Variants in ZNF330 observed in about 807,000 individuals in gnomAD.
The protein encoded by ZNF330 is nucleolar atypical zinc finger.
A neutral mutation model predicts 45.5 loss-of-function variants in ZNF330; 31 were observed. The observed-to-expected ratio is 0.68, with a 90% confidence interval of 0.51 to 0.92. The LOEUF (loss-of-function observed/expected upper bound fraction) is 0.92, where lower values mean the gene tolerates loss of function less well. Ranked by LOEUF, ZNF330 falls within the 40% of genes least tolerant of loss-of-function variation. The probability of loss-of-function intolerance (pLI) is 0.00; values close to 1 mark genes in which losing one functional copy is unlikely to be tolerated. For missense variants in ZNF330, 356 were observed against 387.4 expected, an observed-to-expected ratio of 0.92 and a Z score of 0.68; for synonymous variants, 138 against 123.2, an observed-to-expected ratio of 1.12 and a Z score of -0.79.
upstream of ZNF330, chr4:141,220,786 G>T (rs190653931): frequency 5.9e-5 from 9 of 152,356 alleles, no homozygotes; most frequent in Admixed American, 5.2e-4. Context: ...CTTTTCTGCA[G>T]ATCCTCTGCT....
chr4:141,233,084 ATTATT>A (rs1483524395), intron 9 of ZNF330, among the ~76,000 whole-genome samples: 2 of 152,116 alleles, frequency 1.3e-5, no homozygotes, highest in African/African-American at 4.8e-5. Flanking sequence ...ACTATAGGAA[ATTATT>A]TTATGGTTTT....
At chr4:141,227,627 G>T (rs1373074423) in intron 5 of ZNF330, among the ~76,000 whole-genome samples, 17 of 152,110 alleles carry the variant, frequency 1.1e-4, no homozygotes, top group Admixed American at 1.1e-3. Flanking sequence ...ATAGCAGCAT[G>T]ATTTATAATC....
In ZNF330 at chr4:141,232,645, A is replaced by G; in HGVS notation, c.688+3A>G. The G allele has an allele frequency of 6.7e-7, 1 of 1,500,326 alleles. No individual in the cohort carries two copies. Among genetic ancestry groups the G allele is most frequent in the South Asian group, 1.3e-5 (1 of 74,442 alleles). The allele number at this position is 1,500,326 out of a possible 1,614,324, so 92.9% of individuals were successfully genotyped here. Reference sequence around the variant, plus strand: ...GACTAAGGACCTTAGCATGTCAAGTAAGGCCCTTAAGATACTAAGGAAGTG... The same window carrying G: ...GACTAAGGACCTTAGCATGTCAAGTGAGGCCCTTAAGATACTAAGGAAGTG... On this transcript the variant is annotated splice_donor_region_variant and intron_variant, in intron 9 of 9. Coordinates refer to ENST00000262990, the MANE Select transcript of ZNF330 (RefSeq NM_014487.6).
At chr4:141,230,131 A>C in intron 6 of ZNF330, 35 bp from the exon 7 acceptor site, 1 of 1,442,386 alleles carries the variant, frequency 6.9e-7, no homozygotes. Context: ...ATTAAAGTTT[A>C]TCTTAATTAC....
At position 141,232,577 on chromosome 4, in the gene ZNF330, G is replaced by A; in HGVS notation, c.623G>A (p.Gly208Glu). The change falls in exon 9 of 10, where the codon GGA (glycine) becomes GAA (glutamate). Residue 208 changes from glycine to glutamate, a missense_variant. By Grantham distance (98) the Gly-to-Glu change is moderately conservative (BLOSUM62 -2). Coordinates refer to ENST00000262990, the MANE Select transcript of ZNF330 (RefSeq NM_014487.6). ...AGCAAAGTGTTTAAGCAAGAAAAAG[G>A]AAAACAGCCTCCTTGTCCTAAATGT... Reference protein sequence around the residue: ...TRSKVFKQEKGKQPPCPKCGH... With the variant: ...TRSKVFKQEKEKQPPCPKCGH... 1 of 1,600,820 alleles carries A rather than the reference G, an allele frequency of 6.2e-7. No homozygotes were observed. The highest frequency in any genetic ancestry group is 8.5e-7 in the Non-Finnish European group (1 of 1,173,538).
Position 141,233,901 on chromosome 4 carries a change from A to T in ZNF330, c.875A>T (p.Asp292Val), listed in dbSNP as rs1488216138. The stretch of plus-strand genomic sequence containing the variant: ...GAAGATGAAGGCAGAAAGGATTCAG[A>T]TACTGAGTCATCAGATTTGTTTACT... The part of the protein sequence containing the change: ...EEEDEGRKDS[D>V]TESSDLFTNL... The change falls in exon 10 of 10, where the codon GAT becomes GTT. Residue 292 changes from aspartate (D) to valine (V), a missense_variant. Asp to Val is a radical substitution (Grantham distance 152). Transcript: ENST00000262990. The T allele has an allele frequency of 1.2e-6, 2 of 1,613,828 alleles. No individual in the cohort carries two copies. Among genetic ancestry groups the T allele is most frequent in the South Asian group, 1.1e-5 (1 of 91,076 alleles).
rs1728914240 is a variant in ZNF330 at position 141,230,151 on chromosome 4, T to C, written c.419-15T>C. The C allele has an allele frequency of 6.4e-7, 1 of 1,555,198 alleles. No individual in the cohort carries two copies. The highest frequency in any genetic ancestry group is 8.8e-7 in the Non-Finnish European group (1 of 1,135,564). On this transcript the variant is annotated splice_polypyrimidine_tract_variant and intron_variant, in intron 6 of 9. Transcript: ENST00000262990. ...AGTTTATCTTAATTACATTTGTGTT[T>C]TTTTAATCCAATAGGAGGCAGAATA... is the stretch of plus-strand genomic sequence containing the variant.
At chr4:141,229,783 T>C in intron 6 of ZNF330, 86 bp downstream of exon 6, 1 of 1,528,562 alleles carries the variant, frequency 6.5e-7, no homozygotes, top group Non-Finnish European at 8.9e-7. Context: ...GAGATTTTTT[T>C]CAGGATACTG....
At chr4:141,224,205 G>A (rs1484077721) in intron 2 of ZNF330, among the ~76,000 whole-genome samples, 1 of 152,118 alleles carries the variant, frequency 6.6e-6, no homozygotes, top group East Asian at 1.9e-4. Context: ...TCATTCTGTG[G>A]TATTTTATTC....
chr4:141,232,056 C>T (rs1284163145), intron 8 of ZNF330, among the ~76,000 whole-genome samples: 1 of 152,046 alleles, frequency 6.6e-6, no homozygotes, highest in African/African-American at 2.4e-5. Flanking sequence ...TATTGCCCTC[C>T]CATTCTTCAT....
At position 141,233,809 on chromosome 4, in the gene ZNF330, G is replaced by A; in HGVS notation, c.783G>A (p.Lys261=). ...DAYWKNLSSD[K]YGDTSYHDEE... Reference sequence around the variant, plus strand: ...ATTGGAAGAACCTTTCATCTGATAAGTATGGTGATACCAGCTACCACGATG... The same window carrying A: ...ATTGGAAGAACCTTTCATCTGATAAATATGGTGATACCAGCTACCACGATG... The change falls in exon 10 of 10, where the codon AAG becomes AAA. Residue 261 remains lysine, a synonymous_variant. Coordinates refer to ENST00000262990, the MANE Select transcript of ZNF330 (RefSeq NM_014487.6). The A allele has an allele frequency of 1.2e-6, 2 of 1,613,756 alleles. No individual in the cohort carries two copies. Among genetic ancestry groups the A allele is most frequent in the Non-Finnish European group, 1.7e-6 (2 of 1,179,796 alleles).
chr4:141,222,557 C>T (rs1315736834), intron 2 of ZNF330, 66 bp downstream of exon 2: 1 of 1,515,384 alleles, frequency 6.6e-7, no homozygotes, highest in East Asian at 2.3e-5. Flanking sequence ...CTGACGTATA[C>T]CTGAATAAAA....
At position 141,229,693 on chromosome 4, in the gene ZNF330, C is replaced by T. The variant is rs1307613223; in HGVS notation, c.414C>T (p.Asp138=). Reference sequence around the variant, plus strand: ...TTGAATGTGAACGAGGCGTGTGGGACCATGGTGAGTCATTAGACACAAGTA... The same window carrying T: ...TTGAATGTGAACGAGGCGTGTGGGATCATGGTGAGTCATTAGACACAAGTA... ...ECVECERGVW[D]HGGRIFSCSF... Residue 138 remains aspartate (D), a synonymous_variant, in exon 6 of 10, where the codon GAC becomes GAT. Coordinates refer to ENST00000262990, the MANE Select transcript of ZNF330 (RefSeq NM_014487.6). 1 of 1,612,786 alleles carries T rather than the reference C, an allele frequency of 6.2e-7. No homozygotes were observed. The highest frequency in any genetic ancestry group is 2.2e-5 in the East Asian group (1 of 44,862).
At chr4:141,227,449 C>G (rs990990895) in intron 5 of ZNF330, among the ~76,000 whole-genome samples, 3 of 152,088 alleles carry the variant, frequency 2.0e-5, no homozygotes, top group Non-Finnish European at 4.4e-5. Context: ...TCATCCGTGT[C>G]TCTACAAAGG....
intron 9 of ZNF330, 87 bp downstream of exon 9, chr4:141,232,729 A>G (rs1318129445): frequency 1.6e-6 from 1 of 634,670 alleles, no homozygotes; most frequent in Non-Finnish European, 2.5e-6. Context: ...TATTTTTCTT[A>G]TTGCCTCTTC....
At chr4:141,222,643 G>GCCACTC in intron 2 of ZNF330, 152 bp downstream of exon 2, 1 of 681,986 alleles carries the variant, frequency 1.5e-6, no homozygotes, top group Non-Finnish European at 2.4e-6. Context: ...TGATTTCACT[G>GCCACTC]AGTGGCAGTG....
Position 141,233,702 on chromosome 4 carries a change from C to G in ZNF330, c.689-13C>G. On this transcript the variant is annotated splice_polypyrimidine_tract_variant and intron_variant, in intron 9 of 9. Transcript: ENST00000262990. ...AACTAACAAAATGCCTTGTACTTGT[C>G]TGTCTTCTATAGCACGCTCCCTGAA... 1 of 1,607,448 alleles carries G rather than the reference C, an allele frequency of 6.2e-7. No individual in the cohort carries two copies. The highest frequency in any genetic ancestry group is 8.5e-7 in the Non-Finnish European group (1 of 1,175,978).
chr4:141,234,094 C>A lies in ZNF330; in HGVS notation c.*105C>A. Reference sequence around the variant, plus strand: ...AGTACCTTAGCCACTTAGCCTTGTGCAGAAGACTAGTTACACTTAATGGGC... The same window carrying A: ...AGTACCTTAGCCACTTAGCCTTGTGAAGAAGACTAGTTACACTTAATGGGC... On this transcript the variant is annotated 3_prime_UTR_variant, in exon 10 of 10. Coordinates refer to ENST00000262990, the MANE Select transcript of ZNF330 (RefSeq NM_014487.6). 6.7e-7 allele frequency: 1 copy of A among 1,487,870 alleles called. No individual in the cohort carries two copies. The highest frequency in any genetic ancestry group is 8.9e-7 in the Non-Finnish European group (1 of 1,125,812). 92.2% of individuals were successfully genotyped at this position (1,487,870 alleles called of 1,614,324 possible).
At chr4:141,232,979 T>C (rs1035926064) in intron 9 of ZNF330, among the ~76,000 whole-genome samples, 2 of 152,082 alleles carry the variant, frequency 1.3e-5, no homozygotes, top group African/African-American at 4.8e-5. Context: ...ATTAAAGTGG[T>C]GGTAATTTTA....
Sources: gnomAD v4.1 joint callset for allele counts (sites outside exome capture counted in the v4.1 genomes callset) on GRCh38, gnomAD v4.1.1 for gene constraint, MANE v1.5 for transcripts, NCBI Gene and HGNC (gene_info 2026-07-23, HGNC 2026-07-21) for gene names.